Variants in CA12 observed in about 807,000 individuals in gnomAD.
CA12 encodes carbonic anhydrase 12.
In CA12, 36 loss-of-function variants were observed where a neutral mutation model predicts 46.8. The ratio of observed to expected loss-of-function variants is 0.77; its 90% CI spans 0.59 to 1.02. CA12 has a LOEUF of 1.02. Ranked by LOEUF, CA12 falls within the 50% of genes least tolerant of loss-of-function variation. The pLI is 0.00. For synonymous variants in CA12, 202 were observed against 187.0 expected (o/e 1.08, Z -0.65); for missense variants, 436 against 451.4 (o/e 0.97, Z 0.31).
chr15:63,380,124 A>G (rs1359460893), intron 1 of CA12, among the ~76,000 whole-genome samples: 3 of 152,214 alleles, frequency 2.0e-5, no homozygotes, highest in Non-Finnish European at 4.4e-5. Flanking sequence ...AGGAAACTGC[A>G]TGAGAATTTA....
rs1159485488 is a variant in CA12 at position 63,340,681 on chromosome 15, C to T, written c.589+39G>A. 1 of 1,597,300 alleles carries T rather than the reference C, an allele frequency of 6.3e-7. No homozygotes were observed. The highest frequency in any genetic ancestry group is 2.2e-5 in the East Asian group (1 of 44,808). On this transcript the variant is annotated intron_variant, in intron 6 of 10. Coordinates refer to ENST00000178638, the MANE Select transcript of CA12 (RefSeq NM_001218.5). This position sits in a 1 kb window ranked among gnomAD's most constrained non-coding sequence, Gnocchi z 4.4. ...GTCACACAGGGCTGACTACCTCCTT[C>T]TCCAGCAGAGAGTGAATATGCATGC...
intron 1 of CA12, among the ~76,000 whole-genome samples, chr15:63,376,502 TC>T (rs2039572026): frequency 6.6e-6 from 1 of 152,146 alleles, no homozygotes; most frequent in Non-Finnish European, 1.5e-5. Context: ...TCTTGCTTTT[TC>T]CCACTTTACA....
At chr15:63,346,895 C>T (rs1276496653) in intron 2 of CA12, among the ~76,000 whole-genome samples, 186 bp from the exon 3 acceptor site, 1 of 152,210 alleles carries the variant, frequency 6.6e-6, no homozygotes, top group East Asian at 1.9e-4. Context: ...ACCACCTGCT[C>T]TTAAGTGATG....
chr15:63,376,482 GT>G (rs1413768383), intron 1 of CA12, among the ~76,000 whole-genome samples: 1 of 152,044 alleles, frequency 6.6e-6, no homozygotes, highest in African/African-American at 2.4e-5. Context: ...ACTGGAAATA[GT>G]GTTCTGTGTC....
At chr15:63,360,479 T>C (rs2039347547) in intron 2 of CA12, among the ~76,000 whole-genome samples, 1 of 152,242 alleles carries the variant, frequency 6.6e-6, no homozygotes, top group Non-Finnish European at 1.5e-5. Flanking sequence ...ACCTGTCTAG[T>C]GTCTCTGTTC....
chr15:63,326,618 C>A (rs574786203), intron 10 of CA12, among the ~76,000 whole-genome samples: 5 of 152,178 alleles, frequency 3.3e-5, no homozygotes, highest in Non-Finnish European at 7.4e-5. Context: ...TTGTCACCCC[C>A]CTCTTCAAAC....
rs1364496211 is a variant in CA12, at chr15:63,328,567, C to T, written c.875-437G>A. 6.6e-6 allele frequency among the ~76,000 whole-genome samples: 1 copy of T among 152,198 alleles called. No individual in the cohort carries two copies. The highest frequency in any genetic ancestry group is 1.5e-5 in the Non-Finnish European group (1 of 68,044). On this transcript the variant is annotated intron_variant, in intron 8 of 10. Coordinates refer to ENST00000178638, the MANE Select transcript of CA12 (RefSeq NM_001218.5). The surrounding 1 kb of genome is among the most constrained non-coding windows in gnomAD (Gnocchi z 5.9). ...GCCAGGCTGGTCTTGAACTCCTGAC[C>T]TCATTATCCACCTGCCTTGGCCTTC...
chr15:63,361,604 A>G (rs1400459622), intron 2 of CA12, among the ~76,000 whole-genome samples: 1 of 152,188 alleles, frequency 6.6e-6, no homozygotes, highest in Non-Finnish European at 1.5e-5. Flanking sequence ...TCGAGACTGG[A>G]CTATTGTAAT....
At chr15:63,364,332 GA>G (rs34673043) in intron 2 of CA12, among the ~76,000 whole-genome samples, 8 of 56,116 alleles carry the variant, frequency 1.4e-4, no homozygotes, top group South Asian at 1.1e-3. Context: ...CCCGTCACTA[GA>G]AAAAAAAAAA....
intron 2 of CA12, among the ~76,000 whole-genome samples, chr15:63,347,806 T>C (rs2152618891): frequency 6.6e-6 from 1 of 152,304 alleles, no homozygotes; most frequent in Middle Eastern, 3.4e-3. Flanking sequence ...GTGGGCTCTA[T>C]CAGAGCTGGG....
chr15:63,358,131 C>T (rs1383506087), intron 2 of CA12, among the ~76,000 whole-genome samples: 1 of 152,160 alleles, frequency 6.6e-6, no homozygotes, highest in Non-Finnish European at 1.5e-5. Flanking sequence ...AGTTAAATTG[C>T]TATGGATTCT....
chr15:63,340,489 G>A lies in CA12; in HGVS notation c.590-44C>T, dbSNP rs1049075068. The stretch of plus-strand genomic sequence containing the variant: ...GAGGTGATAGTGTCAGCCTCCCTCC[G>A]TAGGGCATAAGTGCAGCTGAACAGA... On this transcript the variant is annotated intron_variant, in intron 6 of 10. Coordinates refer to ENST00000178638, the MANE Select transcript of CA12 (RefSeq NM_001218.5). This position sits in a 1 kb window ranked among gnomAD's most constrained non-coding sequence, Gnocchi z 4.4. The A allele has an allele frequency of 1.1e-5, 17 of 1,611,280 alleles. No individual in the cohort carries two copies. The African/African-American group carries it at 1.2e-4, about 11-fold the overall frequency.
Position 63,381,624 on chromosome 15 carries a change from C to A in CA12, c.85+12G>T. 3 of 1,607,494 alleles carry A rather than the reference C, an allele frequency of 1.9e-6. No homozygotes were observed. Among genetic ancestry groups the A allele is most frequent in the Non-Finnish European group, 2.5e-6 (3 of 1,176,696 alleles). ...TCAGGAGTGTTAGGAAAGAAGCAGG[C>A]GGAAACTTTACCGTTCACTGGGGCC... is the stretch of plus-strand genomic sequence containing the variant. On this transcript the variant is annotated intron_variant, in intron 1 of 10. Coordinates refer to ENST00000178638, the MANE Select transcript of CA12 (RefSeq NM_001218.5).
intron 2 of CA12, among the ~76,000 whole-genome samples, chr15:63,363,864 G>T (rs2039397970): frequency 6.6e-6 from 1 of 152,192 alleles, no homozygotes; most frequent in Non-Finnish European, 1.5e-5. Context: ...TGATGTACAA[G>T]TTAAGCATTC....
chr15:63,342,331 T>A (rs1384330523), intron 4 of CA12, among the ~76,000 whole-genome samples: 1 of 152,094 alleles, frequency 6.6e-6, no homozygotes, highest in Non-Finnish European at 1.5e-5. Context: ...CATCAATCAA[T>A]ACGTACAAGA....
intron 4 of CA12, among the ~76,000 whole-genome samples, chr15:63,342,713 A>T (rs555948214): frequency 6.6e-6 from 1 of 152,260 alleles, no homozygotes; most frequent in East Asian, 1.9e-4. Flanking sequence ...GGTCAAGAGG[A>T]GAGGTCCATT....
chr15:63,362,811 G>A (rs2039380519), intron 2 of CA12, among the ~76,000 whole-genome samples: 1 of 152,146 alleles, frequency 6.6e-6, no homozygotes, highest in Non-Finnish European at 1.5e-5. Flanking sequence ...AAAATCTTTT[G>A]CTTTTTCATA....
At chr15:63,336,408 T>G (rs2039004704) in intron 8 of CA12, among the ~76,000 whole-genome samples, 1 of 152,166 alleles carries the variant, frequency 6.6e-6, no homozygotes. Context: ...CCTGCCCGGT[T>G]TCTTCTGATC....
intron 1 of CA12, among the ~76,000 whole-genome samples, chr15:63,379,896 C>A (rs553867537): frequency 1.3e-5 from 2 of 152,328 alleles, no homozygotes; most frequent in Admixed American, 1.3e-4. Flanking sequence ...CCAGAAGACA[C>A]TTGACTTCAC....
Sources: gnomAD v4.1 joint callset for allele counts (sites outside exome capture counted in the v4.1 genomes callset) on GRCh38, gnomAD v4.1.1 for gene constraint, Gnocchi (gnomAD v3.1) non-coding constraint, MANE v1.5 for transcripts, NCBI Gene and HGNC (gene_info 2026-07-23, HGNC 2026-07-21) for gene names.